CDH12: variants seen among roughly 807,000 people sequenced by gnomAD.
CDH12 encodes the protein cadherin-12.
In CDH12, 41 loss-of-function variants were observed where a neutral mutation model predicts 74.1. The ratio of observed to expected loss-of-function variants is 0.55; its 90% CI spans 0.43 to 0.72. CDH12 has a LOEUF of 0.72. CDH12 is among the 30% of genes least tolerant of loss of function. The pLI is 0.00. For synonymous variants in CDH12, 399 were observed against 355.0 expected, an observed-to-expected ratio of 1.12 and a Z score of -1.39; for missense variants, 945 against 977.2, an observed-to-expected ratio of 0.97 and a Z score of 0.44.
intron 4 of CDH12, among the ~76,000 whole-genome samples, chr5:22,169,352 C>T (rs951298937): frequency 3.3e-5 from 5 of 152,026 alleles, no homozygotes; most frequent in African/African-American, 1.2e-4. Flanking sequence ...CAAAGTTCTT[C>T]CTTACAGTTG....
chr5:22,453,430 T>C (rs981233442), intron 2 of CDH12, among the ~76,000 whole-genome samples: 11 of 152,166 alleles, frequency 7.2e-5, no homozygotes, highest in Non-Finnish European at 1.2e-4. Context: ...TTCTATTGTT[T>C]GTGTCAACAT....
chr5:22,851,827 T>C (rs1737569008), intron 1 of CDH12, among the ~76,000 whole-genome samples: 1 of 152,150 alleles, frequency 6.6e-6, no homozygotes, highest in African/African-American at 2.4e-5. Flanking sequence ...ATAATAAAAA[T>C]ATATAAGATG....
chr5:22,125,868 CT>C, intron 4 of CDH12, among the ~76,000 whole-genome samples: 1 of 152,050 alleles, frequency 6.6e-6, no homozygotes, highest in African/African-American at 2.4e-5. Context: ...GACTCCCTCG[CT>C]TTTTGTTTAT....
chr5:22,320,904 T>A (rs1309609758), intron 3 of CDH12, among the ~76,000 whole-genome samples: 2 of 152,210 alleles, frequency 1.3e-5, no homozygotes, highest in Non-Finnish European at 2.9e-5. Context: ...GGTCAGAACA[T>A]ATTTTGAATA....
At chr5:22,534,216 C>T (rs563040518) in intron 1 of CDH12, among the ~76,000 whole-genome samples, 3 of 151,298 alleles carry the variant, frequency 2.0e-5, no homozygotes, top group African/African-American at 7.3e-5. Flanking sequence ...TTTTTTATTT[C>T]CGTAGGTTAT....
chr5:22,707,967 A>G (rs572368334), intron 1 of CDH12, among the ~76,000 whole-genome samples: 73 of 152,290 alleles, frequency 4.8e-4, no homozygotes, highest in African/African-American at 1.7e-3. Flanking sequence ...AATCGGCTCT[A>G]TAACATTGAT....
intron 2 of CDH12, among the ~76,000 whole-genome samples, chr5:22,413,424 A>C (rs1171592314): frequency 6.6e-6 from 1 of 151,974 alleles, no homozygotes; most frequent in Admixed American, 6.6e-5. Context: ...GAGTGGACAA[A>C]AGCCGAAAAT....
chr5:22,574,180 A>G (rs1191399822), intron 1 of CDH12, among the ~76,000 whole-genome samples: 1 of 148,956 alleles, frequency 6.7e-6, no homozygotes, highest in Admixed American at 6.8e-5. Context: ...CCTGGGTTCA[A>G]GTGGTTCTCC....
chr5:22,666,205 C>T (rs1740604642), intron 1 of CDH12, among the ~76,000 whole-genome samples: 2 of 151,840 alleles, frequency 1.3e-5, no homozygotes, highest in Non-Finnish European at 2.9e-5. Flanking sequence ...TTTAAGTCAC[C>T]ACCTATGTCT....
intron 10 of CDH12, among the ~76,000 whole-genome samples, chr5:21,783,798 A>C (rs1255973857): frequency 6.6e-6 from 1 of 152,124 alleles, no homozygotes. Context: ...TGAATATTAA[A>C]ACTTTTTCAA....
At chr5:21,889,758 C>T (rs2150042805) in intron 6 of CDH12, 1 of 984,804 alleles carries the variant, frequency 1.0e-6, no homozygotes, top group East Asian at 1.1e-4. Context: ...TTTCTTTCTG[C>T]TGTAGGAAGT....
intron 1 of CDH12, among the ~76,000 whole-genome samples, chr5:22,715,006 T>C (rs1422341648): frequency 6.6e-6 from 1 of 152,160 alleles, no homozygotes; most frequent in East Asian, 1.9e-4. Context: ...CATAAGAGAA[T>C]TGTATTTCTG....
At chr5:22,698,170 G>A (rs1459887175) in intron 1 of CDH12, among the ~76,000 whole-genome samples, 3 of 115,050 alleles carry the variant, frequency 2.6e-5, no homozygotes, top group Non-Finnish European at 1.6e-5. Context: ...TGCCCAGGCT[G>A]GAGTGCAATG....
intron 6 of CDH12, among the ~76,000 whole-genome samples, chr5:21,871,188 AG>A (rs1280971624): frequency 5.3e-5 from 8 of 152,342 alleles, no homozygotes; most frequent in South Asian, 2.1e-4. Flanking sequence ...CTTATCAATT[AG>A]GAGAGGCTGC....
intron 6 of CDH12, among the ~76,000 whole-genome samples, chr5:21,875,259 C>T (rs1751867796): frequency 6.6e-6 from 1 of 152,146 alleles, no homozygotes. Context: ...TGGCAAGTCA[C>T]TTAAACATTC....
chr5:22,258,576 C>A (rs866288874), intron 3 of CDH12, among the ~76,000 whole-genome samples: 3 of 151,960 alleles, frequency 2.0e-5, no homozygotes, highest in Admixed American at 1.3e-4. Context: ...TAGGCCTTCA[C>A]ATTCACTCAC....
intron 6 of CDH12, among the ~76,000 whole-genome samples, chr5:21,861,441 CAA>C (rs1751038073): frequency 6.6e-6 from 1 of 151,916 alleles, no homozygotes; most frequent in Non-Finnish European, 1.5e-5. Context: ...GAGAATGTAA[CAA>C]AGTGAGTAGT....
chr5:22,017,310 AAAAACTGGG>A (rs1737667313), intron 5 of CDH12, among the ~76,000 whole-genome samples: 1 of 152,118 alleles, frequency 6.6e-6, no homozygotes, highest in African/African-American at 2.4e-5. Context: ...ATAAGACTTC[AAAAACTGGG>A]AAAATCAAAC....
At chr5:22,828,807 G>T (rs1264986308) in intron 1 of CDH12, among the ~76,000 whole-genome samples, 1 of 152,128 alleles carries the variant, frequency 6.6e-6, no homozygotes, top group African/African-American at 2.4e-5. Context: ...ATGAAGACTT[G>T]TTCGAAGCAT....
Sources: allele counts gnomAD v4.1 joint callset (sites outside exome capture counted in the v4.1 genomes callset), GRCh38; gene constraint gnomAD v4.1.1; transcripts MANE v1.5; gene names NCBI Gene and HGNC (gene_info 2026-07-23, HGNC 2026-07-21).